The following NCOA6 variants were observed in gnomAD, a reference collection of about 807,000 sequenced individuals.
NCOA6 encodes NRC RAP250.
A neutral mutation model predicts 171.4 loss-of-function variants in NCOA6; 49 were observed. The ratio of observed to expected loss-of-function variants is 0.29; its 90% CI spans 0.23 to 0.36. The LOEUF (loss-of-function observed/expected upper bound fraction) is 0.36. Ranked by LOEUF, NCOA6 falls within the 10% of genes least tolerant of loss-of-function variation. The pLI, the probability that NCOA6 is intolerant of heterozygous loss-of-function variation, is 1.00. For synonymous variants in NCOA6, 910 were observed against 927.5 expected, an observed-to-expected ratio of 0.98 and a Z score of 0.34; for missense variants, 2,248 against 2,554.5, an observed-to-expected ratio of 0.88 and a Z score of 2.59.
rs2076408288 is a variant in NCOA6 at position 34,749,657 on chromosome 20, G to A, written c.2538C>T (p.Phe846=). ...CATTGAAAGACATCCCATGGCCTGA[G>A]AAGTGGTTTCCCGAGGCACTGTTTC... The part of the protein sequence containing the change: ...MQGNSASGNH[F]SGHGMSFNAP... Residue 846 remains phenylalanine, a synonymous_variant, in exon 9 of 15, where the codon TTC becomes TTT. Transcript: ENST00000359003. 6.2e-7 allele frequency: 1 copy of A among 1,614,232 alleles called. No homozygotes were observed. The highest frequency in any genetic ancestry group is 8.5e-7 in the Non-Finnish European group (1 of 1,180,046).
chr20:34,761,796 C>T (rs1319602660), intron 5 of NCOA6, among the ~76,000 whole-genome samples: 2 of 152,042 alleles, frequency 1.3e-5, no homozygotes, highest in Admixed American at 1.3e-4. Context: ...GATAGGACTA[C>T]AGGCACACGC....
chr20:34,751,609 G>A (rs2076490314), intron 8 of NCOA6, among the ~76,000 whole-genome samples: 1 of 151,892 alleles, frequency 6.6e-6, no homozygotes. Flanking sequence ...GCCTCTGGTG[G>A]GAGCCAACTG....
At chr20:34,786,274 T>C (rs2077677593) in intron 2 of NCOA6, among the ~76,000 whole-genome samples, 1 of 152,212 alleles carries the variant, frequency 6.6e-6, no homozygotes, top group South Asian at 2.1e-4. Context: ...GCTAGTGATC[T>C]ATCAATTTTT....
intron 4 of NCOA6, among the ~76,000 whole-genome samples, chr20:34,772,184 C>T (rs569503391): frequency 1.3e-5 from 2 of 152,070 alleles, no homozygotes; most frequent in South Asian, 2.1e-4. Flanking sequence ...CGTGGTGGCA[C>T]GCACCTGTGG....
intron 1 of NCOA6, among the ~76,000 whole-genome samples, chr20:34,807,480 CTA>C (rs1352192833): frequency 6.6e-6 from 1 of 152,184 alleles, no homozygotes; most frequent in African/African-American, 2.4e-5. Context: ...CAATAAATAA[CTA>C]TTGTACCCTA....
chr20:34,762,704 T>C (rs2076853682), intron 5 of NCOA6, among the ~76,000 whole-genome samples: 1 of 152,198 alleles, frequency 6.6e-6, no homozygotes, highest in African/African-American at 2.4e-5. Context: ...ATTTACCCCA[T>C]GCTTATCAAT....
At chr20:34,787,586 A>G (rs2146274962) in intron 2 of NCOA6, among the ~76,000 whole-genome samples, 1 of 152,248 alleles carries the variant, frequency 6.6e-6, no homozygotes, top group South Asian at 2.1e-4. Context: ...GGCCTAGGAA[A>G]CAAGTTATTG....
At chr20:34,726,498 G>A (rs561106139) in intron 14 of NCOA6, among the ~76,000 whole-genome samples, 1 of 152,190 alleles carries the variant, frequency 6.6e-6, no homozygotes, top group East Asian at 1.9e-4. Flanking sequence ...AATTTAAAGT[G>A]GAATCAGCTG....
intron 9 of NCOA6, 75 bp from the exon 10 acceptor site, chr20:34,747,003 C>A (rs1013927400): frequency 2.3e-6 from 3 of 1,323,672 alleles, no homozygotes; most frequent in Non-Finnish European, 3.0e-6. Flanking sequence ...ACTAGCTTAA[C>A]CCTTCCCCTA....
At position 34,757,551 on chromosome 20, in the gene NCOA6, G is replaced by A; in HGVS notation, c.1197C>T (p.Phe399=). 1 of 1,614,022 alleles carries A rather than the reference G, an allele frequency of 6.2e-7. No individual in the cohort carries two copies. The highest frequency in any genetic ancestry group is 8.5e-7 in the Non-Finnish European group (1 of 1,179,972). The stretch of plus-strand genomic sequence containing the variant: ...GCAAACTCTTCATCTGAGGAGCTGT[G>A]AACTGGCCTGGGTTGCTCATCTGAG... ...NFPQMSNPGQ[F]TAPQMKSLQG... Residue 399 remains phenylalanine (F), a synonymous_variant, in exon 7 of 15, where the codon TTC becomes TTT. Transcript: ENST00000359003.
Position 34,750,472 on chromosome 20 carries a change from C to G in NCOA6, c.1723G>C (p.Gly575Arg), listed in dbSNP as rs558366125. The change falls in exon 9 of 15, where the codon GGG becomes CGG. Residue 575 changes from glycine to arginine, a missense_variant. By Grantham distance (125) the Gly-to-Arg change is moderately radical. Around this residue, in one of 7 missense-constraint regions of NCOA6, gnomAD observed 987 missense variants for 1,104.7 expected, o/e 0.89. Coordinates refer to ENST00000359003, the MANE Select transcript of NCOA6 (RefSeq NM_014071.5). Reference sequence around the variant, plus strand: ...CTGGGCTGCATCATATTTGGCGGCCCGTGGGACACCTGCATCTGGTTTTGA... The same window carrying G: ...CTGGGCTGCATCATATTTGGCGGCCGGTGGGACACCTGCATCTGGTTTTGA... ...PPQNQMQVSH[G>R]PPNMMQPSLM... 13 of 1,612,618 alleles carry G rather than the reference C, an allele frequency of 8.1e-6. No homozygotes were observed. Among genetic ancestry groups the G allele is most frequent in the Non-Finnish European group, 1.0e-5 (12 of 1,179,334 alleles).
rs1224332339 is a variant in NCOA6 at position 34,757,534 on chromosome 20, T to C, written c.1214A>G (p.Lys405Arg). ...CCTAGAGGGCCCTCCCTGCAAACTC[T>C]TCATCTGAGGAGCTGTGAACTGGCC... ...NPGQFTAPQM[K>R]SLQGGPSRVP... Residue 405 changes from lysine to arginine, a missense_variant, in exon 7 of 15, where the codon AAG becomes AGG. Around this residue, in one of 7 missense-constraint regions of NCOA6, gnomAD observed 987 missense variants for 1,104.7 expected, o/e 0.89. Transcript: ENST00000359003. The C allele has an allele frequency of 6.2e-7, 1 of 1,613,978 alleles. No homozygotes were observed. Among genetic ancestry groups the C allele is most frequent in the East Asian group, 2.2e-5 (1 of 44,880 alleles).
chr20:34,810,113 T>C (rs1231251957), intron 1 of NCOA6, among the ~76,000 whole-genome samples: 4 of 152,244 alleles, frequency 2.6e-5, no homozygotes, highest in African/African-American at 9.6e-5. Flanking sequence ...AATTTTATAA[T>C]TCATTAACCT....
At chr20:34,722,394 A>G (rs1030111738) in intron 14 of NCOA6, among the ~76,000 whole-genome samples, 9 of 151,480 alleles carry the variant, frequency 5.9e-5, no homozygotes, top group Non-Finnish European at 2.9e-5. Flanking sequence ...ATAAATAAAT[A>G]AATAAATAAA....
chr20:34,717,197 T>G (rs918872261), intron 14 of NCOA6, among the ~76,000 whole-genome samples: 2 of 152,250 alleles, frequency 1.3e-5, no homozygotes, highest in African/African-American at 4.8e-5. Context: ...ATGCTTGTAA[T>G]CCCAGCACTT....
intron 3 of NCOA6, among the ~76,000 whole-genome samples, chr20:34,780,524 G>C (rs571104574): frequency 2.0e-4 from 31 of 152,018 alleles, no homozygotes; most frequent in Admixed American, 1.7e-3. Flanking sequence ...ACTAATTTTT[G>C]TATTTTTAGT....
intron 2 of NCOA6, among the ~76,000 whole-genome samples, chr20:34,784,714 G>A (rs1019614330): frequency 3.3e-5 from 5 of 152,166 alleles, no homozygotes; most frequent in Non-Finnish European, 7.4e-5. Context: ...CCAGGAGTTC[G>A]AGGCAGCAGT....
rs749062468 is a variant in NCOA6 at position 34,757,323 on chromosome 20, A to C, written c.1425T>G (p.Gly475=). ...QGFQQPVSSP[G]RNPMVQQGNV... ...TTCCCTGTTGAACCATAGGATTCCG[A>C]CCCGGAGAGCTGACAGGCTGCTGAA... Residue 475 remains glycine, a synonymous_variant, in exon 7 of 15, where the codon GGT becomes GGG. Coordinates refer to ENST00000359003, the MANE Select transcript of NCOA6 (RefSeq NM_014071.5). 4 of 1,614,000 alleles carry C rather than the reference A, an allele frequency of 2.5e-6. No individual in the cohort carries two copies. In the African/African-American group the frequency reaches 5.3e-5, roughly 22 times the overall value.
chr20:34,796,318 T>A (rs189738847), intron 1 of NCOA6, among the ~76,000 whole-genome samples: 27 of 151,926 alleles, frequency 1.8e-4, no homozygotes, highest in African/African-American at 6.3e-4. Context: ...CCTGAAATAT[T>A]TCATATTAAA....
Sources: gnomAD v4.1 joint callset for allele counts (sites outside exome capture counted in the v4.1 genomes callset) on GRCh38, gnomAD v4.1.1 for gene constraint, gnomAD v4.1.1 regional missense constraint, MANE v1.5 for transcripts, NCBI Gene and HGNC (gene_info 2026-07-23, HGNC 2026-07-21) for gene names.